The following DENND1A variants were observed in gnomAD, a reference collection of about 807,000 sequenced individuals.
DENND1A encodes DENN domain containing 1A.
Under a neutral mutation model 113.7 loss-of-function variants are expected in DENND1A, and 51 were observed. The observed-to-expected ratio is 0.45, with a 90% CI of 0.36 to 0.57. DENND1A has a LOEUF of 0.57. Ranked by LOEUF, DENND1A falls within the 20% of genes least tolerant of loss-of-function variation. DENND1A has a pLI of 0.00. For missense variants in DENND1A, 1,258 were observed against 1,395.9 expected (o/e 0.90, Z 1.57); for synonymous variants, 565 against 570.8 (o/e 0.99, Z 0.14).
chr9:123,845,670 CAAAAAAA>C (rs555731367), intron 2 of DENND1A, among the ~76,000 whole-genome samples: 1,161 of 44,144 alleles, frequency 0.026, 34 homozygotes, highest in African/African-American at 0.081. Flanking sequence ...AACCTGTCTC[CAAAAAAA>C]AAAAAAAAAA....
chr9:123,925,319 TC>T (rs1856914172), intron 1 of DENND1A, among the ~76,000 whole-genome samples: 1 of 152,024 alleles, frequency 6.6e-6, no homozygotes, highest in Non-Finnish European at 1.5e-5. Context: ...CCCCTACCTA[TC>T]TCTCAGCTGA....
intron 12 of DENND1A, among the ~76,000 whole-genome samples, chr9:123,573,994 T>C (rs920770991): frequency 6.6e-6 from 1 of 151,974 alleles, no homozygotes; most frequent in Non-Finnish European, 1.5e-5. Flanking sequence ...TTTTCATATA[T>C]CTTGTTATTA....
intron 2 of DENND1A, among the ~76,000 whole-genome samples, chr9:123,864,774 G>C (rs1845589261): frequency 6.6e-6 from 1 of 152,056 alleles, no homozygotes; most frequent in Non-Finnish European, 1.5e-5. Context: ...TACTGGAAAT[G>C]AGATATTTAT....
rs115267889 is a variant in DENND1A at position 123,628,565 on chromosome 9, A to G, written c.719+1811T>C. On this transcript the variant is annotated intron_variant, in intron 10 of 23. Coordinates refer to ENST00000394215, the MANE Select transcript of DENND1A (RefSeq NM_001352964.2). ...AAACACTCCCTGAGGAACAGAGCAA[A>G]CGCAAACATTTAATGTCACATGGTG... Among the ~76,000 whole-genome samples the G allele has an allele frequency of 4.9e-3, 748 of 152,242 alleles. 5 individuals are homozygous for G. The highest frequency in any genetic ancestry group is 0.017 in the African/African-American group (713 of 41,548).
At chr9:123,587,782 G>A (rs1233811886) in intron 11 of DENND1A, among the ~76,000 whole-genome samples, 1 of 152,132 alleles carries the variant, frequency 6.6e-6, no homozygotes, top group Non-Finnish European at 1.5e-5. Flanking sequence ...CAATAATCAG[G>A]AGCATTTCAT....
At chr9:123,617,418 A>C (rs1010046809) in intron 10 of DENND1A, among the ~76,000 whole-genome samples, 2 of 152,210 alleles carry the variant, frequency 1.3e-5, no homozygotes, top group African/African-American at 4.8e-5. Flanking sequence ...GGAGCTGATC[A>C]GTGACTGGGA....
At chr9:123,891,865 G>A (rs1156692500) in intron 1 of DENND1A, among the ~76,000 whole-genome samples, 1 of 152,172 alleles carries the variant, frequency 6.6e-6, no homozygotes, top group Non-Finnish European at 1.5e-5. Flanking sequence ...ACAAAGCACA[G>A]TGATCCCTGA....
intron 2 of DENND1A, among the ~76,000 whole-genome samples, chr9:123,806,716 C>T (rs1443098673): frequency 2.6e-5 from 4 of 152,148 alleles, no homozygotes; most frequent in Non-Finnish European, 2.9e-5. Flanking sequence ...AAATTATACA[C>T]TTTATAAAGG....
At chr9:123,887,847 C>T (rs1465117790) in intron 1 of DENND1A, among the ~76,000 whole-genome samples, 1 of 152,152 alleles carries the variant, frequency 6.6e-6, no homozygotes, top group Admixed American at 6.5e-5. Context: ...TGGTTTCTTA[C>T]AGTTGAAGTT....
chr9:123,413,420 C>T (rs2044468971), intron 19 of DENND1A: 6 of 985,408 alleles, frequency 6.1e-6, no homozygotes, highest in Non-Finnish European at 7.2e-6. Flanking sequence ...TTGGACAGTG[C>T]TGATATAGGG....
chr9:123,544,238 T>G (rs1225458198), intron 13 of DENND1A, among the ~76,000 whole-genome samples: 4 of 152,210 alleles, frequency 2.6e-5, no homozygotes, highest in African/African-American at 9.7e-5. Context: ...TCCCAGCGTT[T>G]TAAGTTTTCA....
At chr9:123,903,413 G>A (rs558337151) in intron 1 of DENND1A, among the ~76,000 whole-genome samples, 17 of 150,958 alleles carry the variant, frequency 1.1e-4, no homozygotes, top group South Asian at 4.2e-4. Context: ...AGCTCCCAGC[G>A]TGAGCAACAC....
intron 2 of DENND1A, among the ~76,000 whole-genome samples, chr9:123,854,440 A>C (rs1843836524): frequency 6.6e-6 from 1 of 152,244 alleles, no homozygotes; most frequent in South Asian, 2.1e-4. Context: ...TCACACCTGT[A>C]ATCCCAGCAC....
intron 5 of DENND1A, among the ~76,000 whole-genome samples, chr9:123,748,328 T>C (rs2069704475): frequency 6.6e-6 from 1 of 152,204 alleles, no homozygotes; most frequent in African/African-American, 2.4e-5. Context: ...TTTCTAAATT[T>C]CTCTAATGAG....
chr9:123,713,606 C>T (rs957271734), intron 5 of DENND1A, among the ~76,000 whole-genome samples: 14 of 152,058 alleles, frequency 9.2e-5, no homozygotes, highest in Non-Finnish European at 1.9e-4. Flanking sequence ...TACCTTTCCA[C>T]ATACTCCTTA....
chr9:123,808,510 A>C (rs1432187586), intron 2 of DENND1A, among the ~76,000 whole-genome samples: 1 of 151,694 alleles, frequency 6.6e-6, no homozygotes, highest in African/African-American at 2.4e-5. Flanking sequence ...CCTCCCAAGT[A>C]GCTGGACCTA....
intron 3 of DENND1A, among the ~76,000 whole-genome samples, chr9:123,775,219 T>G (rs1830286888): frequency 6.6e-6 from 1 of 152,202 alleles, no homozygotes; most frequent in Non-Finnish European, 1.5e-5. Flanking sequence ...AATACTGTAC[T>G]TCCAAGATGA....
intron 1 of DENND1A, among the ~76,000 whole-genome samples, chr9:123,915,642 A>C (rs552573789): frequency 6.6e-6 from 1 of 152,274 alleles, no homozygotes; most frequent in East Asian, 1.9e-4. Context: ...CATTTCAAGG[A>C]GTTAACAGAT....
At chr9:123,413,279 A>T in intron 19 of DENND1A, 1 of 448,570 alleles carries the variant, frequency 2.2e-6, no homozygotes, top group Non-Finnish European at 2.9e-6. Flanking sequence ...AATAATTTTT[A>T]GATTGATTAC....
Sources: gnomAD v4.1 joint callset for allele counts (sites outside exome capture counted in the v4.1 genomes callset) on GRCh38, gnomAD v4.1.1 for gene constraint, MANE v1.5 for transcripts, NCBI Gene and HGNC (gene_info 2026-07-23, HGNC 2026-07-21) for gene names.